Variants in ZPBP observed in about 807,000 individuals in gnomAD.
ZPBP encodes zona pellucida-binding protein 1.
In ZPBP, 26 loss-of-function variants were observed where a neutral mutation model predicts 44.8. The observed-to-expected ratio is 0.58, with a 90% CI of 0.43 to 0.81. The LOEUF (loss-of-function observed/expected upper bound fraction) is 0.81. Ranked by LOEUF, ZPBP falls within the 30% of genes least tolerant of loss-of-function variation. The pLI is 0.00. For synonymous variants in ZPBP, 174 were observed against 153.2 expected (o/e 1.14, Z -1.00); for missense variants, 409 against 434.0 (o/e 0.94, Z 0.51).
chr7:50,089,298 T>C (rs897051235), intron 2 of ZPBP, among the ~76,000 whole-genome samples: 1 of 152,128 alleles, frequency 6.6e-6, no homozygotes, highest in African/African-American at 2.4e-5. Context: ...CTGCAAATCT[T>C]TGAATCCAAA....
intron 4 of ZPBP, among the ~76,000 whole-genome samples, chr7:50,056,921 C>G (rs144596818): frequency 6.6e-6 from 1 of 152,094 alleles, no homozygotes; most frequent in Non-Finnish European, 1.5e-5. Flanking sequence ...TGTGGTGGCT[C>G]ATGCCTGTAA....
At chr7:50,085,154 A>G (rs1802572165) in intron 2 of ZPBP, among the ~76,000 whole-genome samples, 1 of 152,132 alleles carries the variant, frequency 6.6e-6, no homozygotes, top group African/African-American at 2.4e-5. Context: ...GAAATTTGGA[A>G]ACACAGACAA....
In ZPBP at chr7:50,031,185, G is replaced by T. The variant is rs755095832; in HGVS notation, c.613C>A (p.Leu205Ile). ...TTAAGTAAGGAAATTTCACATGAAA[G>T]GTCAAGAAGCAGTTTGCTTAAAATC... ...LQILSKLLLD[L>I]SCEISLLKSE... Residue 205 changes from leucine (L) to isoleucine (I), a missense_variant, in exon 5 of 8, where the codon CTT becomes ATT. Physicochemically the swap from Leu to Ile is conservative, Grantham distance 5. Coordinates refer to ENST00000046087, the MANE Select transcript of ZPBP (RefSeq NM_007009.3). The T allele has an allele frequency of 1.2e-6, 2 of 1,613,490 alleles. No individual in the cohort carries two copies. The highest frequency in any genetic ancestry group is 1.3e-5 in the African/African-American group (1 of 74,882).
At chr7:49,959,653 C>G (rs1795766003) in intron 7 of ZPBP, among the ~76,000 whole-genome samples, 1 of 151,982 alleles carries the variant, frequency 6.6e-6, no homozygotes, top group South Asian at 2.1e-4. Context: ...ATTTAGAAGA[C>G]TAAATATATT....
intron 3 of ZPBP, among the ~76,000 whole-genome samples, chr7:50,065,693 C>T (rs917296322): frequency 3.3e-5 from 5 of 150,886 alleles, no homozygotes; most frequent in African/African-American, 1.2e-4. Flanking sequence ...AATTCTTAAG[C>T]TGCCAGCTAT....
intron 3 of ZPBP, among the ~76,000 whole-genome samples, chr7:50,073,034 A>G (rs1441112899): frequency 6.6e-5 from 10 of 152,178 alleles, no homozygotes; most frequent in Admixed American, 2.0e-4. Context: ...TATCAACACT[A>G]TTCAGGAAAA....
chr7:49,875,964 TGGTGTTGCATTGTGCTGG>T lies in ZPBP; in HGVS notation n.509+25136_509+25153del, dbSNP rs1366703368. Among the ~76,000 whole-genome samples the T allele has an allele frequency of 3.3e-5, 5 of 152,182 alleles. No individual in the cohort carries two copies. The East Asian group carries it at 9.7e-4, about 29-fold the overall frequency. ...GGCTGGAAGAATGAGTCGAAGAAAT[TGGTGTTGCATTGTGCTGG>T]CACACTTATTCTGTACTGTGAATAT... is the stretch of plus-strand genomic sequence containing the variant. On this transcript the variant is annotated intron_variant and non_coding_transcript_variant, in intron 2 of 2. Coordinates refer to the ZPBP transcript ENST00000465922.
At chr7:49,930,747 TTAAAA>T (rs1794418292) in intron 1 of ZPBP, among the ~76,000 whole-genome samples, 1 of 152,074 alleles carries the variant, frequency 6.6e-6, no homozygotes, top group Non-Finnish European at 1.5e-5. Flanking sequence ...AAAAAAAACT[TTAAAA>T]TACCACAAAA....
chr7:49,926,005 C>T (rs987170936), intron 1 of ZPBP, among the ~76,000 whole-genome samples: 5 of 152,236 alleles, frequency 3.3e-5, no homozygotes, highest in African/African-American at 1.2e-4. Flanking sequence ...TGCTTGGACT[C>T]AGTCCTGAAT....
intron 4 of ZPBP, among the ~76,000 whole-genome samples, chr7:50,046,126 C>T (rs544407405): frequency 6.6e-6 from 1 of 152,298 alleles, no homozygotes; most frequent in African/African-American, 2.4e-5. Flanking sequence ...CTCTTCCTTA[C>T]ACCTTGTATA....
rs189296333 is a variant in ZPBP at position 49,992,027 on chromosome 7, A to G, written c.784-8508T>C. ...GAAAACTACAAACCTAACGATAGCT[A>G]TGTCCCTAATTCACAGTGGACAAAG... On this transcript the variant is annotated intron_variant, in intron 6 of 7. Coordinates refer to ENST00000046087, the MANE Select transcript of ZPBP (RefSeq NM_007009.3). Among the ~76,000 whole-genome samples, 67 of 152,250 alleles carry G rather than the reference A, an allele frequency of 4.4e-4. No individual in the cohort carries two copies. The East Asian group carries it at 9.8e-3, about 22-fold the overall frequency.
intron 6 of ZPBP, among the ~76,000 whole-genome samples, chr7:50,005,698 G>C (rs963179471): frequency 6.6e-6 from 1 of 151,830 alleles, no homozygotes; most frequent in African/African-American, 2.4e-5. Flanking sequence ...AAAAGGAAGA[G>C]AGTAAGGGAG....
intron 2 of ZPBP, among the ~76,000 whole-genome samples, chr7:49,896,485 G>GAAAAAGCA (rs1380087652): frequency 6.6e-6 from 1 of 151,882 alleles, no homozygotes; most frequent in African/African-American, 2.4e-5. Flanking sequence ...GAAGAAACTT[G>GAAAAAGCA]AAAAAGCAAA....
intron 7 of ZPBP, among the ~76,000 whole-genome samples, chr7:49,975,958 A>AT (rs1441731894): frequency 6.6e-6 from 1 of 152,014 alleles, no homozygotes; most frequent in Non-Finnish European, 1.5e-5. Context: ...TTGGGGTAAC[A>AT]TTTTTTCTAT....
chr7:49,976,603 A>C (rs1472471749), intron 7 of ZPBP, among the ~76,000 whole-genome samples: 1 of 152,074 alleles, frequency 6.6e-6, no homozygotes, highest in East Asian at 1.9e-4. Flanking sequence ...AGAATGAGTA[A>C]TTTTAAAATT....
chr7:49,979,926 T>C (rs1421702150), intron 7 of ZPBP, among the ~76,000 whole-genome samples: 1 of 117,954 alleles, frequency 8.5e-6, no homozygotes, highest in Non-Finnish European at 1.6e-5. Flanking sequence ...ATATATATCA[T>C]ATATTAGATA....
At chr7:49,878,011 T>C (rs144599509) in intron 2 of ZPBP, among the ~76,000 whole-genome samples, 10 of 152,232 alleles carry the variant, frequency 6.6e-5, no homozygotes, top group Admixed American at 2.0e-4. Flanking sequence ...GGATGACTGA[T>C]GGTCTTTTAT....
At chr7:49,861,468 C>A (rs1158412384) in intron 2 of ZPBP, among the ~76,000 whole-genome samples, 2 of 152,018 alleles carry the variant, frequency 1.3e-5, no homozygotes, top group East Asian at 1.9e-4. Flanking sequence ...ATAAAATATC[C>A]CATTATGCAG....
At chr7:50,020,319 T>G (rs915682554) in intron 5 of ZPBP, among the ~76,000 whole-genome samples, 2 of 152,122 alleles carry the variant, frequency 1.3e-5, no homozygotes, top group African/African-American at 4.8e-5. Flanking sequence ...CTACTATTCA[T>G]GAAACTAATG....
Sources: allele counts gnomAD v4.1 joint callset (sites outside exome capture counted in the v4.1 genomes callset), GRCh38; gene constraint gnomAD v4.1.1; transcripts MANE v1.5; gene names NCBI Gene and HGNC (gene_info 2026-07-23, HGNC 2026-07-21).